Variants in OR5H14 observed in about 807,000 individuals in gnomAD.
OR5H14 encodes olfactory receptor family 5 subfamily H member 14, also known as olfactory receptor 5H14.
For synonymous variants in OR5H14, 155 were observed against 130.6 expected, an observed-to-expected ratio of 1.19 and a Z score of -1.28; for missense variants, 392 against 363.9, an observed-to-expected ratio of 1.08 and a Z score of -0.63.
chr3:98,150,385 T>A lies in OR5H14; in HGVS notation c.*67T>A. On this transcript the variant is annotated 3_prime_UTR_variant, in exon 2 of 2. Transcript: ENST00000641380. ...AAATTGTGCAAATTAGAGGTACCTATGTTTTTGCCAGCATTAAAAGATTTT... is the reference window on the plus strand; with the variant it reads ...AAATTGTGCAAATTAGAGGTACCTAAGTTTTTGCCAGCATTAAAAGATTTT... The A allele has an allele frequency of 9.1e-7, 1 of 1,104,834 alleles. No homozygotes were observed. The highest frequency in any genetic ancestry group is 1.3e-6 in the Non-Finnish European group (1 of 799,034). 68.4% of individuals were successfully genotyped at this position (1,104,834 alleles called of 1,614,324 possible). A position where few individuals can be genotyped will look rare whatever the true frequency, so the allele number is the denominator to read the frequency against.
At chr3:98,148,935 T>C (rs573543283) in intron 1 of OR5H14, among the ~76,000 whole-genome samples, 6 of 151,578 alleles carry the variant, frequency 4.0e-5, no homozygotes, top group South Asian at 4.1e-4. Flanking sequence ...TTCTACACTA[T>C]CAAAAATTTT....
In OR5H14 at chr3:98,153,501, T is replaced by G. The variant is rs533255186; in HGVS notation, c.*3183T>G. ...ATGAGGCTGTGGCAGGAGAATCACT[T>G]AAACCCAGGAGTGGGAGGTTGCAGT... On this transcript the variant is annotated 3_prime_UTR_variant, in exon 2 of 2. Transcript: ENST00000641380. 1 of 152,222 alleles carries G rather than the reference T, an allele frequency of 6.6e-6. No homozygotes were observed. Among genetic ancestry groups the G allele is most frequent in the East Asian group, 1.9e-4 (1 of 5,172 alleles). 9.4% of individuals were successfully genotyped at this position (152,222 alleles called of 1,614,324 possible).
At position 98,152,235 on chromosome 3, in the gene OR5H14, G is replaced by C. The variant is rs935106304; in HGVS notation, c.*1917G>C. 3.9e-5 allele frequency: 6 copies of C among 152,154 alleles called. No individual in the cohort carries two copies. Among genetic ancestry groups the C allele is most frequent in the Non-Finnish European group, 7.3e-5 (5 of 68,044 alleles). 9.4% of individuals were successfully genotyped at this position (152,154 alleles called of 1,614,324 possible). A position where few individuals can be genotyped will look rare whatever the true frequency, so the allele number is the denominator to read the frequency against. The stretch of plus-strand genomic sequence containing the variant: ...ATTAGTTCAACCTTTGTGGAAGACA[G>C]TGCGGTGATTCCTTATGAATCCGGA... On this transcript the variant is annotated 3_prime_UTR_variant, in exon 2 of 2. Transcript: ENST00000641380.
chr3:98,149,499 C>G lies in OR5H14; in HGVS notation c.114C>G (p.Thr38=). 6.2e-7 allele frequency: 1 copy of G among 1,613,428 alleles called. No homozygotes were observed. Among genetic ancestry groups the G allele is most frequent in the Non-Finnish European group, 8.5e-7 (1 of 1,179,558 alleles). ...CATTCTTGGTAATATATCTCATCAC[C>G]ATCATGGGGAATCTTGGTCTGATTG... ...FLAFLVIYLI[T]IMGNLGLIAV... The change falls in exon 2 of 2, where the codon ACC becomes ACG. Residue 38 remains threonine, a synonymous_variant. Coordinates refer to ENST00000641380, the MANE Select transcript of OR5H14 (RefSeq NM_001005514.2).
rs1203159171 is a variant in OR5H14, at chr3:98,153,336, C to G, written c.*3018C>G. 9 of 152,244 alleles carry G rather than the reference C, an allele frequency of 5.9e-5. No individual in the cohort carries two copies. Among genetic ancestry groups the G allele is most frequent in the Non-Finnish European group, 8.8e-5 (6 of 68,076 alleles). 9.4% of individuals were successfully genotyped at this position (152,244 alleles called of 1,614,324 possible). A position where few individuals can be genotyped will look rare whatever the true frequency, so the allele number is the denominator to read the frequency against. ...GTGGCTCACGCCTCTAATCCCAGCA[C>G]TTTGGGAGGCCGAGGATGGCGGATC... On this transcript the variant is annotated 3_prime_UTR_variant, in exon 2 of 2. Coordinates refer to ENST00000641380, the MANE Select transcript of OR5H14 (RefSeq NM_001005514.2).
rs1299157718 is a variant in OR5H14, at chr3:98,153,042, G to A, written c.*2724G>A. 3.9e-5 allele frequency: 6 copies of A among 152,106 alleles called. No individual in the cohort carries two copies. Among genetic ancestry groups the A allele is most frequent in the Non-Finnish European group, 8.8e-5 (6 of 68,030 alleles). The allele number at this position is 152,106 out of a possible 1,614,324, so 9.4% of individuals were successfully genotyped here. ...CTTTGTCTCAGCATGGAACTCATAA[G>A]TTACAATTTCTATTCTCTTAAAGCA... On this transcript the variant is annotated 3_prime_UTR_variant, in exon 2 of 2. Coordinates refer to ENST00000641380, the MANE Select transcript of OR5H14 (RefSeq NM_001005514.2).
rs71617849 is a variant in OR5H14, at chr3:98,154,244, G to C, written c.*3926G>C. 1 of 151,210 alleles carries C rather than the reference G, an allele frequency of 6.6e-6. No homozygotes were observed. Among genetic ancestry groups the C allele is most frequent in the Non-Finnish European group, 1.5e-5 (1 of 67,998 alleles). The allele number at this position is 151,210 out of a possible 1,614,324, so 9.4% of individuals were successfully genotyped here. ...GTGAATGGATTCTAGAGGATTATTT[G>C]TTATTTTCCCAACCCTTTTTGTTCC... is the stretch of plus-strand genomic sequence containing the variant. On this transcript the variant is annotated 3_prime_UTR_variant, in exon 2 of 2. Transcript: ENST00000641380.
Position 98,150,181 on chromosome 3 carries a change from C to T in OR5H14, c.796C>T (p.Gln266Ter). 1 of 1,612,868 alleles carries T rather than the reference C, an allele frequency of 6.2e-7. No individual in the cohort carries two copies. The highest frequency in any genetic ancestry group is 8.5e-7 in the Non-Finnish European group (1 of 1,179,574). ...AFMYMGSASP[Q>*]ADDQDMMESL... ...CATGTATATGGGCTCTGCATCCCCA[C>T]AGGCTGATGACCAAGATATGATGGA... Residue 266 changes from glutamine (Q) to a stop codon, truncating the protein, a stop_gained, in exon 2 of 2, where the codon CAG becomes TAG. Coordinates refer to ENST00000641380, the MANE Select transcript of OR5H14 (RefSeq NM_001005514.2). LOFTEE classifies it low-confidence loss of function (END_TRUNC).
At position 98,151,344 on chromosome 3, in the gene OR5H14, A is replaced by G. The variant is rs1708504987; in HGVS notation, c.*1026A>G. 1 of 152,132 alleles carries G rather than the reference A, an allele frequency of 6.6e-6. No individual in the cohort carries two copies. The highest frequency in any genetic ancestry group is 1.5e-5 in the Non-Finnish European group (1 of 68,002). The allele number at this position is 152,132 out of a possible 1,614,324, so 9.4% of individuals were successfully genotyped here. A position where few individuals can be genotyped will look rare whatever the true frequency, so the allele number is the denominator to read the frequency against. On this transcript the variant is annotated 3_prime_UTR_variant, in exon 2 of 2. Transcript: ENST00000641380. Reference sequence around the variant, plus strand: ...AGAGTTCGGATATTTTCTACTTCAAAAAGTCCTTATTAGTCTTCTTCTCAC... The same window carrying G: ...AGAGTTCGGATATTTTCTACTTCAAGAAGTCCTTATTAGTCTTCTTCTCAC...
intron 1 of OR5H14, among the ~76,000 whole-genome samples, chr3:98,148,802 AT>A (rs542735094): frequency 4.9e-4 from 75 of 151,988 alleles, no homozygotes; most frequent in African/African-American, 1.7e-3. Context: ...CACAATCTAT[AT>A]TTTTCATAAA....
chr3:98,152,211 T>A lies in OR5H14; in HGVS notation c.*1893T>A, dbSNP rs1271251598. 6.6e-6 allele frequency: 1 copy of A among 152,076 alleles called. No individual in the cohort carries two copies. The highest frequency in any genetic ancestry group is 1.5e-5 in the Non-Finnish European group (1 of 67,992). 9.4% of individuals were successfully genotyped at this position (152,076 alleles called of 1,614,324 possible). A position where few individuals can be genotyped will look rare whatever the true frequency, so the allele number is the denominator to read the frequency against. On this transcript the variant is annotated 3_prime_UTR_variant, in exon 2 of 2. Transcript: ENST00000641380. The stretch of plus-strand genomic sequence containing the variant: ...ATTTATCCTGTTGGTGGGAGTGTAA[T>A]TAGTTCAACCTTTGTGGAAGACAGT...
Position 98,149,773 on chromosome 3 carries a change from T to C in OR5H14, c.388T>C (p.Leu130=). The C allele has an allele frequency of 6.2e-7, 1 of 1,612,628 alleles. No homozygotes were observed. The highest frequency in any genetic ancestry group is 8.5e-7 in the Non-Finnish European group (1 of 1,179,614). ...TCGCTATGTAGCCATATGCAAACCC[T>C]TACTTTATCCAGCCATTATGACCAA... is the stretch of plus-strand genomic sequence containing the variant. ...YDRYVAICKP[L]LYPAIMTNGL... is the part of the protein sequence containing the mutation. Residue 130 remains leucine, a synonymous_variant, in exon 2 of 2, where the codon TTA becomes CTA. Transcript: ENST00000641380.
chr3:98,152,911 C>T lies in OR5H14; in HGVS notation c.*2593C>T, dbSNP rs1005666352. ...GGAGCCACCTCAGCCCAATGTACTT[C>T]AATTTAATTATTTTAACTATTTTCT... On this transcript the variant is annotated 3_prime_UTR_variant, in exon 2 of 2. Coordinates refer to ENST00000641380, the MANE Select transcript of OR5H14 (RefSeq NM_001005514.2). The T allele has an allele frequency of 1.1e-4, 17 of 152,060 alleles. No individual in the cohort carries two copies. The highest frequency in any genetic ancestry group is 4.1e-4 in the African/African-American group (17 of 41,408). 9.4% of individuals were successfully genotyped at this position (152,060 alleles called of 1,614,324 possible). A position where few individuals can be genotyped will look rare whatever the true frequency, so the allele number is the denominator to read the frequency against.
chr3:98,156,413 T>C lies in OR5H14; in HGVS notation c.*6095T>C, dbSNP rs1395785442. ...TGGAACCAAGAAGAGTGAAGAATCT[T>C]TGTATCTCATTATTATGGTTAAAAT... is the stretch of plus-strand genomic sequence containing the variant. On this transcript the variant is annotated 3_prime_UTR_variant, in exon 2 of 2. Transcript: ENST00000641380. 6.6e-6 allele frequency: 1 copy of C among 152,122 alleles called. No homozygotes were observed. The highest frequency in any genetic ancestry group is 1.5e-5 in the Non-Finnish European group (1 of 67,994). The allele number at this position is 152,122 out of a possible 1,614,324, so 9.4% of individuals were successfully genotyped here.
chr3:98,156,029 G>A lies in OR5H14; in HGVS notation c.*5711G>A, dbSNP rs1308184334. The A allele has an allele frequency of 6.6e-6, 1 of 152,060 alleles. No homozygotes were observed. The highest frequency in any genetic ancestry group is 2.4e-5 in the African/African-American group (1 of 41,426). The allele number at this position is 152,060 out of a possible 1,614,324, so 9.4% of individuals were successfully genotyped here. The stretch of plus-strand genomic sequence containing the variant: ...CAGGAAAGCCTAAGATGCTCTCAGG[G>A]GAATTTCAGTTCTCTGACTTTTTCT... On this transcript the variant is annotated 3_prime_UTR_variant, in exon 2 of 2. Transcript: ENST00000641380.
In OR5H14 at chr3:98,150,154, T is replaced by G; in HGVS notation, c.769T>G (p.Phe257Val). 1.9e-6 allele frequency: 3 copies of G among 1,612,232 alleles called. No individual in the cohort carries two copies. The highest frequency in any genetic ancestry group is 1.7e-6 in the Non-Finnish European group (2 of 1,179,516). The change falls in exon 2 of 2, where the codon TTC (phenylalanine) becomes GTC (valine). Residue 257 changes from phenylalanine to valine, a missense_variant. Coordinates refer to ENST00000641380, the MANE Select transcript of OR5H14 (RefSeq NM_001005514.2). ...SVSLYYGPLA[F>V]MYMGSASPQA... ...ATCTTTATACTATGGGCCCCTCGCCTTCATGTATATGGGCTCTGCATCCCC... is the reference window on the plus strand; with the variant it reads ...ATCTTTATACTATGGGCCCCTCGCCGTCATGTATATGGGCTCTGCATCCCC...
Position 98,150,353 on chromosome 3 carries a change from T to A in OR5H14, c.*35T>A. 7.1e-7 allele frequency: 1 copy of A among 1,407,258 alleles called. No individual in the cohort carries two copies. The highest frequency in any genetic ancestry group is 9.5e-7 in the Non-Finnish European group (1 of 1,057,306). 87.2% of individuals were successfully genotyped at this position (1,407,258 alleles called of 1,614,324 possible). A position where few individuals can be genotyped will look rare whatever the true frequency, so the allele number is the denominator to read the frequency against. On this transcript the variant is annotated 3_prime_UTR_variant, in exon 2 of 2. Coordinates refer to ENST00000641380, the MANE Select transcript of OR5H14 (RefSeq NM_001005514.2). Reference sequence around the variant, plus strand: ...AATATCTCTTTTCTATTTACTAAAATGTCACAAAATTGTGCAAATTAGAGG... The same window carrying A: ...AATATCTCTTTTCTATTTACTAAAAAGTCACAAAATTGTGCAAATTAGAGG...
At chr3:98,149,205 A>G in intron 1 of OR5H14, 163 bp from the exon 2 acceptor site, 1 of 784,084 alleles carries the variant, frequency 1.3e-6, no homozygotes, top group Non-Finnish European at 2.0e-6. Context: ...AAAATATGAC[A>G]TTTTTTTCAT....
At position 98,152,451 on chromosome 3, in the gene OR5H14, A is replaced by G. The variant is rs1173929128; in HGVS notation, c.*2133A>G. The G allele has an allele frequency of 6.6e-6, 1 of 152,244 alleles. No homozygotes were observed. The highest frequency in any genetic ancestry group is 1.5e-5 in the Non-Finnish European group (1 of 68,064). The allele number at this position is 152,244 out of a possible 1,614,324, so 9.4% of individuals were successfully genotyped here. A position where few individuals can be genotyped will look rare whatever the true frequency, so the allele number is the denominator to read the frequency against. The stretch of plus-strand genomic sequence containing the variant: ...AAAGAAAATGTGGCAAATATACACC[A>G]TGGAATACTATGCAGCCATAAAAAA... On this transcript the variant is annotated 3_prime_UTR_variant, in exon 2 of 2. Transcript: ENST00000641380.
Sources: gnomAD v4.1 joint callset for allele counts (sites outside exome capture counted in the v4.1 genomes callset) on GRCh38, gnomAD v4.1.1 for gene constraint, MANE v1.5 for transcripts, NCBI Gene and HGNC (gene_info 2026-07-23, HGNC 2026-07-21) for gene names.